MYLK3: variants seen among roughly 807,000 people sequenced by gnomAD.
MYLK3 encodes myosin light chain kinase 3.
A neutral mutation model predicts 76.3 loss-of-function variants in MYLK3; 55 were observed. The observed-to-expected ratio is 0.72, with a 90% confidence interval of 0.58 to 0.90. The LOEUF (loss-of-function observed/expected upper bound fraction) is 0.90, where lower values mean the gene tolerates loss of function less well. Ranked by LOEUF, MYLK3 falls within the 40% of genes least tolerant of loss-of-function variation. The pLI is 0.00. For missense variants in MYLK3, 973 were observed against 1,053.6 expected, an observed-to-expected ratio of 0.92 and a Z score of 1.06; for synonymous variants, 416 against 425.4, an observed-to-expected ratio of 0.98 and a Z score of 0.27.
In MYLK3 at chr16:46,717,592, G is replaced by GC. The variant is rs779376753; in HGVS notation, c.1985+3530dup. Among the ~76,000 whole-genome samples, 209 of 151,284 alleles carry GC rather than the reference G, an allele frequency of 1.4e-3. 2 individuals are homozygous for GC. The highest frequency in any genetic ancestry group is 3.4e-3 in the Middle Eastern group (1 of 294). Reference sequence around the variant, plus strand: ...GTTCTCAGCCCATAACTCACAGGGCGCCCCCCCCACCTCCCCTCCAGGCAG... The same window carrying GC: ...GTTCTCAGCCCATAACTCACAGGGCGCCCCCCCCCACCTCCCCTCCAGGCAG... On this transcript the variant is annotated intron_variant, in intron 9 of 12. Coordinates refer to ENST00000394809, the MANE Select transcript of MYLK3 (RefSeq NM_182493.3).
intron 8 of MYLK3, among the ~76,000 whole-genome samples, chr16:46,721,467 A>T (rs1966799077): frequency 6.6e-6 from 1 of 152,198 alleles, no homozygotes; most frequent in South Asian, 2.1e-4. Context: ...GTGCAGACAC[A>T]ATGCCAGAGT....
chr16:46,721,645 G>C (rs928649966), intron 8 of MYLK3, among the ~76,000 whole-genome samples: 1 of 152,226 alleles, frequency 6.6e-6, no homozygotes, highest in African/African-American at 2.4e-5. Flanking sequence ...TGGGCTTACA[G>C]GCGTGAGCCA....
rs893964029 is a variant in MYLK3 at position 46,702,639 on chromosome 16, G to A, written c.*5065C>T. Reference sequence around the variant, plus strand: ...TTTTAATTATAAATGTAATACATGCGGGCCAGGCGCAGTGGCTCACACCTG... The same window carrying A: ...TTTTAATTATAAATGTAATACATGCAGGCCAGGCGCAGTGGCTCACACCTG... On this transcript the variant is annotated 3_prime_UTR_variant, in exon 13 of 13. Coordinates refer to ENST00000394809, the MANE Select transcript of MYLK3 (RefSeq NM_182493.3). 1.3e-5 allele frequency among the ~76,000 whole-genome samples: 2 copies of A among 152,024 alleles called. No individual in the cohort carries two copies. The highest frequency in any genetic ancestry group is 2.4e-5 in the African/African-American group (1 of 41,394).
rs767442167 is a variant in MYLK3 at position 46,748,160 on chromosome 16, C to T, written c.34G>A (p.Gly12Arg). 3 of 1,614,010 alleles carry T rather than the reference C, an allele frequency of 1.9e-6. No homozygotes were observed. Among genetic ancestry groups the T allele is most frequent in the Middle Eastern group, 1.7e-4 (1 of 6,060 alleles). ...SGTSKESLGHGGLPGLGKTCL... is the reference protein window; with the variant it reads ...SGTSKESLGHRGLPGLGKTCL... Reference sequence around the variant, plus strand: ...GTCTTGCCCAACCCTGGCAGCCCCCCATGCCCCAGACTCTCCTTGGAGGTT... The same window carrying T: ...GTCTTGCCCAACCCTGGCAGCCCCCTATGCCCCAGACTCTCCTTGGAGGTT... Residue 12 changes from glycine (G) to arginine (R), a missense_variant, in exon 1 of 13, where the codon GGG becomes AGG. Gly to Arg is a moderately radical substitution (Grantham distance 125). This residue lies in a region of MYLK3 where 641 missense variants were observed against 637.0 expected (regional missense o/e 1.01). Coordinates refer to ENST00000394809, the MANE Select transcript of MYLK3 (RefSeq NM_182493.3). This position sits in a 1 kb window ranked among gnomAD's most constrained non-coding sequence, Gnocchi z 4.3.
chr16:46,744,897 G>GT (rs1555471445), intron 1 of MYLK3, among the ~76,000 whole-genome samples: 1 of 151,922 alleles, frequency 6.6e-6, no homozygotes, highest in South Asian at 2.1e-4. Flanking sequence ...TCAAGATTAT[G>GT]TTTTTTAAAA....
At chr16:46,753,747 C>CA (rs994570645) in intron 1 of MYLK3, among the ~76,000 whole-genome samples, 54 of 149,516 alleles carry the variant, frequency 3.6e-4, no homozygotes, top group African/African-American at 1.1e-3. Context: ...CCTGTCTCTA[C>CA]AAAAAAAAAA....
chr16:46,730,493 A>G, intron 5 of MYLK3, 100 bp downstream of exon 5: 1 of 939,360 alleles, frequency 1.1e-6, no homozygotes, highest in Non-Finnish European at 1.7e-6. Flanking sequence ...AGCTCGAGAG[A>G]GAGTCATCCT....
At chr16:46,721,578 G>T (rs756531378) in intron 8 of MYLK3, among the ~76,000 whole-genome samples, 1 of 152,170 alleles carries the variant, frequency 6.6e-6, no homozygotes, top group Non-Finnish European at 1.5e-5. Flanking sequence ...ATGTTGCCCA[G>T]GCCTGTCTCG....
At chr16:46,719,595 C>T (rs1246756494) in intron 9 of MYLK3, among the ~76,000 whole-genome samples, 2 of 152,160 alleles carry the variant, frequency 1.3e-5, no homozygotes, top group East Asian at 3.9e-4. Flanking sequence ...CTTCACAGCA[C>T]CTATCTGTGA....
intron 1 of MYLK3, among the ~76,000 whole-genome samples, chr16:46,757,141 TGAA>T (rs1300465570): frequency 2.6e-5 from 4 of 152,262 alleles, no homozygotes; most frequent in East Asian, 1.9e-4. Flanking sequence ...AAAGCAGAGA[TGAA>T]GAAGAACTCC....
intron 1 of MYLK3, among the ~76,000 whole-genome samples, chr16:46,744,635 C>G (rs1386896035): frequency 6.6e-6 from 1 of 152,082 alleles, no homozygotes. Flanking sequence ...AGCCACCTCG[C>G]CCAGCCTAAA....
chr16:46,727,466 C>T, intron 7 of MYLK3, 89 bp from the exon 8 acceptor site: 2 of 1,408,382 alleles, frequency 1.4e-6, no homozygotes, highest in Non-Finnish European at 1.9e-6. Context: ...AAGAGGCCAG[C>T]CCGGGTAGGC....
chr16:46,748,351 C>T (rs1324069645), upstream of MYLK3: 10 of 1,329,732 alleles, frequency 7.5e-6, no homozygotes, highest in East Asian at 5.1e-5. This position sits in a 1 kb window ranked among gnomAD's most constrained non-coding sequence, Gnocchi z 4.3. Flanking sequence ...GTGTGAGGAG[C>T]GCAGAGGCCC....
At chr16:46,736,585 G>A (rs550341440) in intron 3 of MYLK3, among the ~76,000 whole-genome samples, 3 of 152,186 alleles carry the variant, frequency 2.0e-5, no homozygotes, top group South Asian at 2.1e-4. Context: ...TCCTGGTTCC[G>A]ATCCCGGGAT....
chr16:46,754,590 G>A (rs984494298), intron 1 of MYLK3, among the ~76,000 whole-genome samples: 27 of 152,210 alleles, frequency 1.8e-4, no homozygotes, highest in Admixed American at 2.6e-4. Flanking sequence ...CCACCAGCAA[G>A]AAGGTCCTCA....
Position 46,703,300 on chromosome 16 carries a change from A to T in MYLK3, c.*4404T>A, listed in dbSNP as rs533990021. The T allele has an allele frequency of 1.3e-5, 2 of 152,366 alleles. No homozygotes were observed. Among genetic ancestry groups the T allele is most frequent in the South Asian group, 4.1e-4 (2 of 4,832 alleles). The allele number at this position is 152,366 out of a possible 1,614,324, so 9.4% of individuals were successfully genotyped here. ...CATTAGCAACAGTGCTATAGTAAACATCATTTTGAATAAATCTCTATACAA... is the reference window on the plus strand; with the variant it reads ...CATTAGCAACAGTGCTATAGTAAACTTCATTTTGAATAAATCTCTATACAA... On this transcript the variant is annotated 3_prime_UTR_variant, in exon 13 of 13. Coordinates refer to ENST00000394809, the MANE Select transcript of MYLK3 (RefSeq NM_182493.3).
At position 46,727,226 on chromosome 16, in the gene MYLK3, C is replaced by A; in HGVS notation, c.1914+10G>T. The stretch of plus-strand genomic sequence containing the variant: ...AGGGGCCCCTACCGCATGCCCAGGG[C>A]AGAACCCACCTTGAGGTCCAGGTGC... On this transcript the variant is annotated intron_variant, in intron 8 of 12. Transcript: ENST00000394809. 6.2e-7 allele frequency: 1 copy of A among 1,613,058 alleles called. No homozygotes were observed. Among genetic ancestry groups the A allele is most frequent in the Non-Finnish European group, 8.5e-7 (1 of 1,179,204 alleles).
chr16:46,737,879 A>T lies in MYLK3; in HGVS notation c.833T>A (p.Leu278Gln), dbSNP rs962901918. ...PGRVNVVSPS[L>Q]EVAPGAGQGA... Reference sequence around the variant, plus strand: ...TTGTCCTGCACCTGGTGCAACCTCCAGGCTCGGGGAGACCACATTGACCCT... The same window carrying T: ...TTGTCCTGCACCTGGTGCAACCTCCTGGCTCGGGGAGACCACATTGACCCT... The change falls in exon 3 of 13, where the codon CTG (leucine) becomes CAG (glutamine). Residue 278 changes from leucine (L) to glutamine (Q), a missense_variant. By Grantham distance (113) the Leu-to-Gln change is moderately radical (BLOSUM62 -2). Transcript: ENST00000394809. The T allele has an allele frequency of 6.2e-7, 1 of 1,614,126 alleles. No individual in the cohort carries two copies. Among genetic ancestry groups the T allele is most frequent in the South Asian group, 1.1e-5 (1 of 91,078 alleles).
In MYLK3 at chr16:46,738,099, G is replaced by A. The variant is rs757575516; in HGVS notation, c.613C>T (p.Pro205Ser). The stretch of plus-strand genomic sequence containing the variant: ...CCCAGCCCTGACGCTCTGATGGGGG[G>A]CAGCCTCTCCGCTGTCCCCTCCAGC... ...DVLEGTAERLPPIRASGLGAD... is the reference protein window; with the variant it reads ...DVLEGTAERLSPIRASGLGAD... Residue 205 changes from proline (P) to serine (S), a missense_variant, in exon 3 of 13, where the codon CCC becomes TCC. Around this residue, in one of 2 missense-constraint regions of MYLK3, gnomAD observed 641 missense variants for 637.0 expected, o/e 1.01. Coordinates refer to ENST00000394809, the MANE Select transcript of MYLK3 (RefSeq NM_182493.3). 6.3e-7 allele frequency: 1 copy of A among 1,587,346 alleles called. No individual in the cohort carries two copies. Among genetic ancestry groups the A allele is most frequent in the Non-Finnish European group, 8.6e-7 (1 of 1,167,334 alleles).
Sources: gnomAD v4.1 joint callset for allele counts (sites outside exome capture counted in the v4.1 genomes callset) on GRCh38, gnomAD v4.1.1 for gene constraint, gnomAD v4.1.1 regional missense constraint, Gnocchi (gnomAD v3.1) non-coding constraint, MANE v1.5 for transcripts, NCBI Gene and HGNC (gene_info 2026-07-23, HGNC 2026-07-21) for gene names.